The following CCSER1 variants were observed in gnomAD, a reference collection of about 807,000 sequenced individuals.
CCSER1 encodes the protein coiled-coil serine rich protein 1, also known as serine-rich coiled-coil domain-containing protein 1.
In CCSER1, 41 loss-of-function variants were observed where a neutral mutation model predicts 82.0. The observed-to-expected ratio is 0.50, with a 90% CI of 0.39 to 0.65. CCSER1 has a LOEUF of 0.65. Ranked by LOEUF, CCSER1 falls within the 30% of genes least tolerant of loss-of-function variation. CCSER1 has a pLI of 0.00. For missense variants in CCSER1, 1,119 were observed against 1,064.2 expected, an observed-to-expected ratio of 1.05 and a Z score of -0.72; for synonymous variants, 414 against 383.9, an observed-to-expected ratio of 1.08 and a Z score of -0.92.
At chr4:90,719,156 T>G (rs1742230340) in intron 6 of CCSER1, among the ~76,000 whole-genome samples, 1 of 152,080 alleles carries the variant, frequency 6.6e-6, no homozygotes, top group African/African-American at 2.4e-5. Flanking sequence ...TCCGCATCAT[T>G]GCCATTACCA....
intron 10 of CCSER1, among the ~76,000 whole-genome samples, chr4:91,347,008 T>TG (rs950073478): frequency 5.3e-5 from 8 of 152,216 alleles, no homozygotes; most frequent in South Asian, 4.1e-4. Context: ...ATGAGTTTTT[T>TG]TTTGTTTGTT....
intron 10 of CCSER1, among the ~76,000 whole-genome samples, chr4:91,141,658 C>T (rs558026027): frequency 6.6e-6 from 1 of 152,134 alleles, no homozygotes; most frequent in East Asian, 1.9e-4. Context: ...AATGTGACTG[C>T]TGGGTTGAGT....
At chr4:91,148,265 A>G (rs537724185) in intron 10 of CCSER1, among the ~76,000 whole-genome samples, 2 of 152,234 alleles carry the variant, frequency 1.3e-5, no homozygotes, top group East Asian at 1.9e-4. Flanking sequence ...ATTGTTCTAA[A>G]TTACTCTCTT....
At chr4:90,980,320 G>GAAC (rs1735996015) in intron 9 of CCSER1, among the ~76,000 whole-genome samples, 1 of 151,754 alleles carries the variant, frequency 6.6e-6, no homozygotes, top group Admixed American at 6.6e-5. Flanking sequence ...TGTGCCCTGT[G>GAAC]AACAGCACAG....
At chr4:90,983,130 T>C (rs1736271316) in intron 9 of CCSER1, among the ~76,000 whole-genome samples, 3 of 151,770 alleles carry the variant, frequency 2.0e-5, no homozygotes, top group Admixed American at 2.0e-4. Flanking sequence ...TATCACAACC[T>C]TTTAACAGTT....
intron 6 of CCSER1, among the ~76,000 whole-genome samples, chr4:90,695,017 A>G (rs943354749): frequency 1.3e-5 from 2 of 150,052 alleles, no homozygotes; most frequent in African/African-American, 4.9e-5. Flanking sequence ...GAAGGCATGT[A>G]GGGAGAAGGC....
At chr4:91,335,099 G>A (rs1333097151) in intron 10 of CCSER1, among the ~76,000 whole-genome samples, 8 of 151,962 alleles carry the variant, frequency 5.3e-5, no homozygotes. Flanking sequence ...TCTGAGTGGG[G>A]ATTTTTCAGC....
chr4:91,274,378 T>C (rs1040685353), intron 10 of CCSER1, among the ~76,000 whole-genome samples: 15 of 152,180 alleles, frequency 9.9e-5, no homozygotes, highest in Admixed American at 6.5e-4. Flanking sequence ...GAAACACTGT[T>C]GTTTACTATA....
intron 6 of CCSER1, among the ~76,000 whole-genome samples, chr4:90,691,543 G>T (rs1380410316): frequency 7.2e-6 from 1 of 138,064 alleles, no homozygotes; most frequent in Non-Finnish European, 1.6e-5. Context: ...TATAATACAT[G>T]TGTACATATC....
intron 5 of CCSER1, among the ~76,000 whole-genome samples, chr4:90,511,812 G>A (rs896877237): frequency 6.6e-6 from 1 of 152,254 alleles, no homozygotes; most frequent in Admixed American, 6.5e-5. Context: ...ATAGGTATAA[G>A]GGGAGGTAAT....
At chr4:90,948,310 T>C (rs1732500042) in intron 9 of CCSER1, among the ~76,000 whole-genome samples, 1 of 151,800 alleles carries the variant, frequency 6.6e-6, no homozygotes, top group Admixed American at 6.6e-5. Flanking sequence ...TATAAATAAA[T>C]ATATATATGA....
chr4:91,094,773 C>G (rs1473072014), intron 10 of CCSER1, among the ~76,000 whole-genome samples: 1 of 152,106 alleles, frequency 6.6e-6, no homozygotes, highest in Non-Finnish European at 1.5e-5. Flanking sequence ...ATCTCCTGAC[C>G]TGGCTCGGTT....
At chr4:90,655,415 T>G (rs1416416338) in intron 6 of CCSER1, among the ~76,000 whole-genome samples, 1 of 152,048 alleles carries the variant, frequency 6.6e-6, no homozygotes, top group Non-Finnish European at 1.5e-5. Flanking sequence ...ATTTATTGCA[T>G]GGTAAAAGAG....
At chr4:90,576,824 A>G (rs111498988) in intron 5 of CCSER1, among the ~76,000 whole-genome samples, 2,983 of 152,290 alleles carry the variant, frequency 0.02, 93 homozygotes, top group African/African-American at 0.069. Context: ...TAACGTTTCT[A>G]TAAATACCTG....
rs139263623 is a variant in CCSER1, at chr4:90,268,943, G to A, written c.-41-39301G>A. 6.4e-3 allele frequency among the ~76,000 whole-genome samples: 981 copies of A among 152,120 alleles called. 7 individuals are homozygous for A. Among genetic ancestry groups the A allele is most frequent in the Middle Eastern group, 0.031 (9 of 294 alleles). ...GATTTCTAAACAAAGACTACAAAAA[G>A]AGGCAAAGAGGGACATTATTTAATG... On this transcript the variant is annotated intron_variant, in intron 1 of 10. Coordinates refer to ENST00000509176, the MANE Select transcript of CCSER1 (RefSeq NM_001145065.2).
intron 1 of CCSER1, among the ~76,000 whole-genome samples, chr4:90,173,683 A>G (rs1013174841): frequency 1.3e-5 from 2 of 151,790 alleles, no homozygotes; most frequent in African/African-American, 2.4e-5. Context: ...CATCTATCTC[A>G]CTATCATCAA....
At chr4:90,966,988 A>C (rs1407515684) in intron 9 of CCSER1, among the ~76,000 whole-genome samples, 3 of 152,108 alleles carry the variant, frequency 2.0e-5, no homozygotes, top group Non-Finnish European at 2.9e-5. Flanking sequence ...TACACTTTTC[A>C]ATTTCAAAAT....
At chr4:91,275,767 T>C (rs538387433) in intron 10 of CCSER1, among the ~76,000 whole-genome samples, 1 of 152,306 alleles carries the variant, frequency 6.6e-6, no homozygotes, top group South Asian at 2.1e-4. Flanking sequence ...CTTCTATGTT[T>C]TCTTTTAGCA....
At chr4:91,410,202 C>A (rs1752942616) in intron 10 of CCSER1, among the ~76,000 whole-genome samples, 1 of 152,086 alleles carries the variant, frequency 6.6e-6, no homozygotes, top group South Asian at 2.1e-4. Context: ...CACTGTTATT[C>A]CTACTGGATA....
Sources: allele counts gnomAD v4.1 joint callset (sites outside exome capture counted in the v4.1 genomes callset), GRCh38; gene constraint gnomAD v4.1.1; transcripts MANE v1.5; gene names NCBI Gene and HGNC (gene_info 2026-07-23, HGNC 2026-07-21).